The following SLC12A2 variants were observed in gnomAD, a reference collection of about 807,000 sequenced individuals.
SLC12A2 encodes the protein solute carrier family 12 member 2.
In SLC12A2, 67 loss-of-function variants were observed where a neutral mutation model predicts 136.3. The ratio of observed to expected loss-of-function variants is 0.49; its 90% CI spans 0.40 to 0.60. The LOEUF is 0.60. SLC12A2 is among the 20% of genes least tolerant of loss of function. The pLI is 0.00. For missense variants in SLC12A2, 1,322 were observed against 1,534.7 expected, an observed-to-expected ratio of 0.86 and a Z score of 2.32; for synonymous variants, 619 against 562.9, an observed-to-expected ratio of 1.10 and a Z score of -1.41.
intron 1 of SLC12A2, among the ~76,000 whole-genome samples, chr5:128,094,785 TG>T (rs1484169198): frequency 7.2e-5 from 11 of 152,158 alleles, no homozygotes; most frequent in Non-Finnish European, 1.6e-4. Context: ...AAATGTAATA[TG>T]GGTTGTACTT....
At chr5:128,148,680 T>C in intron 11 of SLC12A2, 74 bp from the exon 12 acceptor site, 2 of 1,241,078 alleles carry the variant, frequency 1.6e-6, no homozygotes, top group Non-Finnish European at 2.2e-6. Flanking sequence ...CATTCCTGAT[T>C]AACCTATTAG....
chr5:128,177,257 G>A (rs145797158), intron 21 of SLC12A2, 105 bp downstream of exon 21: 2 of 773,458 alleles, frequency 2.6e-6, no homozygotes, highest in East Asian at 2.9e-5. Context: ...TTTCCATGGT[G>A]AGGTAATGTT....
chr5:128,159,359 C>G (rs1762961708), intron 16 of SLC12A2, among the ~76,000 whole-genome samples: 2 of 152,232 alleles, frequency 1.3e-5, no homozygotes, highest in Non-Finnish European at 2.9e-5. Context: ...GACTTCATGA[C>G]TAAAACACCA....
intron 21 of SLC12A2, chr5:128,177,627 G>A (rs889944112): frequency 6.5e-6 from 1 of 154,282 alleles, no homozygotes; most frequent in Non-Finnish European, 1.4e-5. Context: ...AATTTTATGA[G>A]AAGGAGATAG....
At position 128,189,059 on chromosome 5, in the gene SLC12A2, G is replaced by A. The variant is rs2126766083; in HGVS notation, c.*2428G>A. ...ATCTAACTATTCATAATGTGGGGTG[G>A]GTAATACTGTCTGTGAAATAATGTA... On this transcript the variant is annotated 3_prime_UTR_variant, in exon 27 of 27. Transcript: ENST00000262461. The A allele has an allele frequency of 1.3e-5, 2 of 152,088 alleles. No individual in the cohort carries two copies. Among genetic ancestry groups the A allele is most frequent in the South Asian group, 4.2e-4 (2 of 4,788 alleles). 9.4% of individuals were successfully genotyped at this position (152,088 alleles called of 1,614,324 possible).
chr5:128,185,745 AATTCT>A (rs1336631875), intron 26 of SLC12A2, among the ~76,000 whole-genome samples: 6 of 152,180 alleles, frequency 3.9e-5, no homozygotes, highest in African/African-American at 1.2e-4. Context: ...CACCTAAAAG[AATTCT>A]ATTCTTATTA....
At chr5:128,140,483 AATTG>A (rs1468069488) in intron 9 of SLC12A2, among the ~76,000 whole-genome samples, 1 of 152,172 alleles carries the variant, frequency 6.6e-6, no homozygotes, top group Non-Finnish European at 1.5e-5. Context: ...AAAGTGACAT[AATTG>A]ATTATGTTTT....
In SLC12A2 at chr5:128,103,114, G is replaced by C. The variant is rs145718727; in HGVS notation, c.757-9700G>C. On this transcript the variant is annotated intron_variant, in intron 1 of 26. Coordinates refer to ENST00000262461, the MANE Select transcript of SLC12A2 (RefSeq NM_001046.3). ...ATCTCTAAGGATATGCTGAGGAGTA[G>C]AATTGCTGGGTTAAAGGTGTGCATT... 2.1e-3 allele frequency among the ~76,000 whole-genome samples: 317 copies of C among 152,312 alleles called. 1 individual carries two copies. Among genetic ancestry groups the C allele is most frequent in the African/African-American group, 7.5e-3 (310 of 41,564 alleles).
At chr5:128,151,134 C>T in intron 13 of SLC12A2, 107 bp from the exon 14 acceptor site, 1 of 892,188 alleles carries the variant, frequency 1.1e-6, no homozygotes, top group Non-Finnish European at 1.7e-6. Flanking sequence ...TGCTTAAAGT[C>T]CTCTCAGTGT....
intron 10 of SLC12A2, among the ~76,000 whole-genome samples, chr5:128,145,284 A>T (rs190419078): frequency 5.3e-4 from 81 of 152,188 alleles, no homozygotes; most frequent in African/African-American, 1.9e-3. Flanking sequence ...AGAATGTATC[A>T]TATACTCTGT....
chr5:128,103,316 G>A (rs965193816), intron 1 of SLC12A2, among the ~76,000 whole-genome samples: 1 of 152,202 alleles, frequency 6.6e-6, no homozygotes, highest in Non-Finnish European at 1.5e-5. Context: ...TCGGAACTGA[G>A]GACCAGAGGG....
intron 19 of SLC12A2, among the ~76,000 whole-genome samples, chr5:128,172,956 AAAAAAAC>A (rs150670480): frequency 0.049 from 7,433 of 151,874 alleles, 286 homozygotes; most frequent in African/African-American, 0.097. Flanking sequence ...AAAAAATACA[AAAAAAAC>A]AAAAAACAAA....
chr5:128,117,058 G>A (rs1454199734), intron 4 of SLC12A2, among the ~76,000 whole-genome samples: 1 of 152,116 alleles, frequency 6.6e-6, no homozygotes, highest in African/African-American at 2.4e-5. Context: ...TTCCATTAAA[G>A]TGACCTATAA....
rs1031749955 is a variant in SLC12A2, at chr5:128,116,548, T to A, written c.1048+1867T>A. On this transcript the variant is annotated intron_variant, in intron 4 of 26. Coordinates refer to ENST00000262461, the MANE Select transcript of SLC12A2 (RefSeq NM_001046.3). ...AATGACTATATATTATAATTTTGCA[T>A]GAGTTTCCTGAAAAATCTGTTCACA... is the stretch of plus-strand genomic sequence containing the variant. Among the ~76,000 whole-genome samples, 6 of 152,178 alleles carry A rather than the reference T, an allele frequency of 3.9e-5. 1 individual carries two copies. The South Asian group carries it at 1.2e-3, about 31-fold the overall frequency.
intron 19 of SLC12A2, 59 bp from the exon 20 acceptor site, chr5:128,174,482 C>T: frequency 1.6e-6 from 2 of 1,264,658 alleles, no homozygotes; most frequent in Non-Finnish European, 2.2e-6. Flanking sequence ...AACCATAATG[C>T]CTTATTTAAC....
intron 19 of SLC12A2, among the ~76,000 whole-genome samples, chr5:128,172,443 C>A (rs1395187814): frequency 6.6e-6 from 1 of 152,154 alleles, no homozygotes; most frequent in Non-Finnish European, 1.5e-5. Context: ...ATTTGTGTAA[C>A]CACCATTGCA....
At chr5:128,164,285 G>A (rs1455256440) in intron 17 of SLC12A2, among the ~76,000 whole-genome samples, 1 of 152,186 alleles carries the variant, frequency 6.6e-6, no homozygotes, top group Non-Finnish European at 1.5e-5. Context: ...TCTCTGTGGT[G>A]TAAATGATTC....
At chr5:128,116,496 T>C (rs2126675427) in intron 4 of SLC12A2, among the ~76,000 whole-genome samples, 1 of 151,724 alleles carries the variant, frequency 6.6e-6, no homozygotes, top group East Asian at 1.9e-4. Flanking sequence ...TACGAGAGTG[T>C]GGAACCCACA....
intron 1 of SLC12A2, among the ~76,000 whole-genome samples, chr5:128,100,297 A>ACTTCACCT: frequency 6.6e-6 from 1 of 152,248 alleles, no homozygotes; most frequent in East Asian, 1.9e-4. Context: ...TAGGAAAAGG[A>ACTTCACCT]CTTCACCTCT....
Sources: allele counts gnomAD v4.1 joint callset (sites outside exome capture counted in the v4.1 genomes callset), GRCh38; gene constraint gnomAD v4.1.1; transcripts MANE v1.5; gene names NCBI Gene and HGNC (gene_info 2026-07-23, HGNC 2026-07-21).